Variants in CADM2 observed in about 807,000 individuals in gnomAD.
CADM2 encodes the protein cell adhesion molecule 2.
Under a neutral mutation model 49.8 loss-of-function variants are expected in CADM2, and 12 were observed. The observed-to-expected ratio is 0.24, with a 90% CI of 0.15 to 0.39. The LOEUF (loss-of-function observed/expected upper bound fraction) is 0.39. CADM2 is among the 10% of genes least tolerant of loss of function. CADM2 has a pLI of 1.00. For missense variants in CADM2, 378 were observed against 492.3 expected, an observed-to-expected ratio of 0.77 and a Z score of 2.20; for synonymous variants, 214 against 175.4, an observed-to-expected ratio of 1.22 and a Z score of -1.74.
intron 1 of CADM2, among the ~76,000 whole-genome samples, chr3:85,681,314 A>G (rs763726440): frequency 1.3e-5 from 2 of 152,184 alleles, no homozygotes; most frequent in East Asian, 3.8e-4. Context: ...TGCTGATTAC[A>G]TTCAGCATTA....
chr3:85,251,677 C>T (rs1359940430), intron 1 of CADM2, among the ~76,000 whole-genome samples: 4 of 151,746 alleles, frequency 2.6e-5, no homozygotes, highest in Non-Finnish European at 5.9e-5. Flanking sequence ...AAAACAAAAC[C>T]AGTTGCTGAC....
chr3:85,905,415 G>T (rs1011778078), intron 5 of CADM2, among the ~76,000 whole-genome samples: 1 of 151,968 alleles, frequency 6.6e-6, no homozygotes, highest in Non-Finnish European at 1.5e-5. Context: ...AACTGTCCCC[G>T]AATTATATAT....
At chr3:85,080,661 A>G (rs1465028742) in intron 1 of CADM2, among the ~76,000 whole-genome samples, 1 of 152,102 alleles carries the variant, frequency 6.6e-6, no homozygotes, top group Non-Finnish European at 1.5e-5. Context: ...ATGGCATATA[A>G]AAAGAGAATT....
chr3:85,176,108 C>T (rs1010833435), intron 1 of CADM2, among the ~76,000 whole-genome samples: 2 of 151,844 alleles, frequency 1.3e-5, no homozygotes, highest in African/African-American at 4.8e-5. Flanking sequence ...GAGGAGAAAT[C>T]AATAACATTT....
At chr3:85,636,328 G>A (rs1230725938) in intron 1 of CADM2, among the ~76,000 whole-genome samples, 1 of 151,760 alleles carries the variant, frequency 6.6e-6, no homozygotes, top group African/African-American at 2.4e-5. Context: ...TAACAAAAAA[G>A]CTTAAAAAAT....
chr3:85,420,859 T>C (rs902505349), intron 1 of CADM2, among the ~76,000 whole-genome samples: 2 of 152,190 alleles, frequency 1.3e-5, no homozygotes, highest in Non-Finnish European at 2.9e-5. Flanking sequence ...AAAATAAGTG[T>C]TGTATTTGTG....
intron 1 of CADM2, among the ~76,000 whole-genome samples, chr3:85,349,562 G>C (rs999615234): frequency 6.6e-6 from 1 of 151,870 alleles, no homozygotes; most frequent in South Asian, 2.1e-4. Context: ...GTTCCTATCC[G>C]GTTTTGAGAA....
intron 1 of CADM2, among the ~76,000 whole-genome samples, chr3:85,144,175 A>G (rs1466385059): frequency 6.6e-6 from 1 of 151,818 alleles, no homozygotes; most frequent in Non-Finnish European, 1.5e-5. Context: ...CCACTATTAC[A>G]TTACCTACCC....
chr3:85,169,994 G>T (rs2040575892), intron 1 of CADM2, among the ~76,000 whole-genome samples: 1 of 152,120 alleles, frequency 6.6e-6, no homozygotes, highest in African/African-American at 2.4e-5. Flanking sequence ...ATCAAAATAT[G>T]TGTTTCCCCT....
At chr3:85,340,869 A>G (rs2045221280) in intron 1 of CADM2, among the ~76,000 whole-genome samples, 2 of 151,664 alleles carry the variant, frequency 1.3e-5, no homozygotes, top group Non-Finnish European at 1.5e-5. Context: ...TTATTGTTTT[A>G]TTTGCTGTTA....
intron 1 of CADM2, among the ~76,000 whole-genome samples, chr3:85,337,508 A>G (rs1420831625): frequency 6.6e-6 from 1 of 151,486 alleles, no homozygotes; most frequent in South Asian, 2.1e-4. Context: ...GGCATAACTT[A>G]GTTACCCTTT....
chr3:85,785,151 C>T (rs1327226092), intron 2 of CADM2, among the ~76,000 whole-genome samples: 1 of 151,974 alleles, frequency 6.6e-6, no homozygotes, highest in East Asian at 1.9e-4. Context: ...TCTCTGATTT[C>T]ATTTACTTGG....
chr3:85,270,537 G>C (rs933277003), intron 1 of CADM2, among the ~76,000 whole-genome samples: 1 of 151,270 alleles, frequency 6.6e-6, no homozygotes, highest in Non-Finnish European at 1.5e-5. Context: ...TGGCTAGTAT[G>C]TATGTGATCA....
intron 1 of CADM2, among the ~76,000 whole-genome samples, chr3:85,348,340 G>A (rs115525096): frequency 6.6e-6 from 1 of 152,274 alleles, no homozygotes; most frequent in Non-Finnish European, 1.5e-5. Flanking sequence ...CAACAGTCTA[G>A]CAGCTTAAAT....
intron 1 of CADM2, among the ~76,000 whole-genome samples, chr3:85,093,866 T>C: frequency 6.6e-6 from 1 of 151,758 alleles, no homozygotes; most frequent in Non-Finnish European, 1.5e-5. Flanking sequence ...AGTTGATGAT[T>C]GGGGGAGGGT....
chr3:85,550,439 A>T (rs1479064048), intron 1 of CADM2, among the ~76,000 whole-genome samples: 1 of 152,128 alleles, frequency 6.6e-6, no homozygotes, highest in East Asian at 1.9e-4. Flanking sequence ...TACAATTGCG[A>T]ATTCTCAGTC....
chr3:85,564,282 G>A (rs913051929), intron 1 of CADM2, among the ~76,000 whole-genome samples: 4 of 151,862 alleles, frequency 2.6e-5, no homozygotes, highest in African/African-American at 9.7e-5. Flanking sequence ...GTGGCATTAA[G>A]TAACATTGAA....
chr3:85,779,906 G>C (rs1210020984), intron 2 of CADM2, among the ~76,000 whole-genome samples: 1 of 152,098 alleles, frequency 6.6e-6, no homozygotes, highest in Non-Finnish European at 1.5e-5. Context: ...GAGCTAGGTA[G>C]GTAGTACAAC....
intron 1 of CADM2, among the ~76,000 whole-genome samples, chr3:85,015,834 GT>G (rs1211665365): frequency 1.3e-5 from 2 of 152,160 alleles, no homozygotes; most frequent in Non-Finnish European, 2.9e-5. Context: ...AGAATGGAGT[GT>G]TTCAGGTGGA....
Sources: allele counts gnomAD v4.1 joint callset (sites outside exome capture counted in the v4.1 genomes callset), GRCh38; gene constraint gnomAD v4.1.1; transcripts MANE v1.5; gene names NCBI Gene and HGNC (gene_info 2026-07-23, HGNC 2026-07-21).